INTS10: variants seen among roughly 807,000 people sequenced by gnomAD.
INTS10 encodes the protein chromosome 8 open reading frame 35.
Under a neutral mutation model 94.4 loss-of-function variants are expected in INTS10, and 44 were observed. The ratio of observed to expected loss-of-function variants is 0.47; its 90% CI spans 0.37 to 0.60. INTS10 has a LOEUF of 0.60. Among genes scored for constraint, INTS10 ranks in the 20% least tolerant of loss-of-function variants. INTS10 has a pLI of 0.00. For missense variants in INTS10, 797 were observed against 868.7 expected (o/e 0.92, Z 1.04); for synonymous variants, 341 against 320.7 (o/e 1.06, Z -0.68).
chr8:19,832,656 G>GT (rs1187192981), intron 11 of INTS10, among the ~76,000 whole-genome samples: 1 of 152,178 alleles, frequency 6.6e-6, no homozygotes, highest in East Asian at 1.9e-4. Flanking sequence ...CTCTGTAAAA[G>GT]TAAGATTTTT....
At chr8:19,844,010 T>G (rs2068356932) in intron 14 of INTS10, 66 bp from the exon 15 acceptor site, 2 of 1,301,404 alleles carry the variant, frequency 1.5e-6, no homozygotes, top group Non-Finnish European at 1.1e-6. Flanking sequence ...AAGTGATGTT[T>G]GCTGTATTTC....
At chr8:19,821,799 ACT>A (rs2066399004) in intron 4 of INTS10, 1 of 152,160 alleles carries the variant, frequency 6.6e-6, no homozygotes, top group African/African-American at 2.4e-5. Context: ...TCTGGTCATA[ACT>A]CTGACCTTTC....
intron 9 of INTS10, among the ~76,000 whole-genome samples, chr8:19,830,109 T>A (rs76822397): frequency 0.1 from 15,648 of 152,222 alleles, 982 homozygotes; most frequent in Middle Eastern, 0.24. Flanking sequence ...AAATTTTGAC[T>A]TTCATAAAAT....
Position 19,843,386 on chromosome 8 carries a change from C to G in INTS10, c.1719+459C>G, listed in dbSNP as rs1326648332. ...CGGGACTTGAAAGAACGCCAAGGCCCTTGGCTACAGGTAGAGCAGAGCCTT... is the reference window on the plus strand; with the variant it reads ...CGGGACTTGAAAGAACGCCAAGGCCGTTGGCTACAGGTAGAGCAGAGCCTT... On this transcript the variant is annotated intron_variant, in intron 14 of 16. Transcript: ENST00000397977. The surrounding 1 kb of genome is among the most constrained non-coding windows in gnomAD (Gnocchi z 4.7). 6.6e-6 allele frequency among the ~76,000 whole-genome samples: 1 copy of G among 152,124 alleles called. No homozygotes were observed. The highest frequency in any genetic ancestry group is 1.5e-5 in the Non-Finnish European group (1 of 68,022).
intron 10 of INTS10, 103 bp from the exon 11 acceptor site, chr8:19,831,925 T>G: frequency 1.4e-6 from 1 of 725,664 alleles, no homozygotes; most frequent in Non-Finnish European, 2.5e-6. Flanking sequence ...TTACTATACA[T>G]TTTTGGTAGG....
At chr8:19,822,147 C>T in intron 4 of INTS10, 1 of 216,670 alleles carries the variant, frequency 4.6e-6, no homozygotes, top group Non-Finnish European at 9.2e-6. Context: ...CCATTGCTTC[C>T]TTTACATTTC....
intron 13 of INTS10, among the ~76,000 whole-genome samples, chr8:19,838,887 T>C (rs1173512330): frequency 6.6e-6 from 1 of 151,820 alleles, no homozygotes; most frequent in Non-Finnish European, 1.5e-5. Context: ...CTTGCTAATA[T>C]GGTGAAACTC....
At position 19,818,191 on chromosome 8, in the gene INTS10, C is replaced by G. The variant is rs771317288; in HGVS notation, c.130-84C>G. 15 of 1,315,258 alleles carry G rather than the reference C, an allele frequency of 1.1e-5. 1 individual carries two copies. In the South Asian group the frequency reaches 1.8e-4, roughly 15 times the overall value. 81.5% of individuals were successfully genotyped at this position (1,315,258 alleles called of 1,614,324 possible). A position where few individuals can be genotyped will look rare whatever the true frequency, so the allele number is the denominator to read the frequency against. On this transcript the variant is annotated intron_variant, in intron 1 of 16. Coordinates refer to ENST00000397977, the MANE Select transcript of INTS10 (RefSeq NM_018142.4). ...TTCACTCTCAGGCCCTCCCTTCCTG[C>G]AGGAGGGCCAACGAGCGATGCTGGA... is the stretch of plus-strand genomic sequence containing the variant.
intron 4 of INTS10, 105 bp from the exon 5 acceptor site, chr8:19,822,334 T>G (rs2066442221): frequency 4.9e-6 from 3 of 614,714 alleles, no homozygotes; most frequent in South Asian, 2.2e-5. Context: ...CAGATAAGTT[T>G]GATTATGCAA....
chr8:19,845,696 G>T lies in INTS10; in HGVS notation c.1883-8G>T. On this transcript the variant is annotated splice_region_variant and splice_polypyrimidine_tract_variant and intron_variant, in intron 15 of 16. Coordinates refer to ENST00000397977, the MANE Select transcript of INTS10 (RefSeq NM_018142.4). ...TTTACATGTGGTTAACCTGAATCTG[G>T]CCTGCAGATATTGATATGCTGGAGG... 1.9e-6 allele frequency: 3 copies of T among 1,604,946 alleles called. No individual in the cohort carries two copies. Among genetic ancestry groups the T allele is most frequent in the Non-Finnish European group, 2.6e-6 (3 of 1,171,672 alleles).
At chr8:19,832,906 A>G (rs1405514292) in intron 11 of INTS10, among the ~76,000 whole-genome samples, 1 of 152,062 alleles carries the variant, frequency 6.6e-6, no homozygotes, top group African/African-American at 2.4e-5. Flanking sequence ...GGGCCTGGTT[A>G]TTTTCTTTAG....
At chr8:19,847,560 T>C (rs2068678116) in intron 16 of INTS10, among the ~76,000 whole-genome samples, 1 of 152,336 alleles carries the variant, frequency 6.6e-6, no homozygotes, top group African/African-American at 2.4e-5. Context: ...GAGACAGCCA[T>C]AGTGGAACCG....
In INTS10 at chr8:19,846,696, G is replaced by A. The variant is rs1401766379; in HGVS notation, c.1976+899G>A. Among the ~76,000 whole-genome samples, 2 of 152,216 alleles carry A rather than the reference G, an allele frequency of 1.3e-5. No individual in the cohort carries two copies. The highest frequency in any genetic ancestry group is 6.5e-5 in the Admixed American group (1 of 15,290). On this transcript the variant is annotated intron_variant, in intron 16 of 16. Transcript: ENST00000397977. This position sits in a 1 kb window ranked among gnomAD's most constrained non-coding sequence, Gnocchi z 4.2. ...ACTCACAAGATGTTACTAAAATTCC[G>A]GGTTGGCCCAGATGAAAATGCCAAA...
chr8:19,823,436 A>G lies in INTS10; in HGVS notation c.659A>G (p.His220Arg), dbSNP rs757050949. The G allele has an allele frequency of 1.1e-5, 18 of 1,601,602 alleles. No individual in the cohort carries two copies. The Admixed American group carries it at 1.3e-4, about 12-fold the overall frequency. The change falls in exon 6 of 17, where the codon CAT becomes CGT. Residue 220 changes from histidine to arginine, a missense_variant. His to Arg is a conservative substitution (Grantham distance 29). This residue lies in a region of INTS10 where 734 missense variants were observed against 787.8 expected (regional missense o/e 0.93). Transcript: ENST00000397977. Reference sequence around the variant, plus strand: ...AGGTCTACTCAAATAGAAAATCAGCATCAAGGTAAGTAGGAATACCCTGTA... The same window carrying G: ...AGGTCTACTCAAATAGAAAATCAGCGTCAAGGTAAGTAGGAATACCCTGTA... ...VTRSTQIENQHQGAQDTSDLM... is the reference protein window; with the variant it reads ...VTRSTQIENQRQGAQDTSDLM...
chr8:19,830,700 T>TCAAAA, intron 10 of INTS10, 141 bp downstream of exon 10: 1 of 753,514 alleles, frequency 1.3e-6, no homozygotes, highest in Non-Finnish European at 2.1e-6. Flanking sequence ...AGACGGAGTC[T>TCAAAA]CACTCTTTTT....
intron 16 of INTS10, among the ~76,000 whole-genome samples, chr8:19,848,301 G>C (rs1314569606): frequency 1.3e-5 from 2 of 152,178 alleles, no homozygotes; most frequent in Admixed American, 1.3e-4. Flanking sequence ...TGCCCTAGCT[G>C]TGGCATCTGG....
chr8:19,823,225 T>C (rs12547934), intron 5 of INTS10, 76 bp from the exon 6 acceptor site: 730,807 of 1,152,736 alleles, frequency 0.63, 233,453 homozygotes, highest in African/African-American at 0.71. Flanking sequence ...AAATGAACTC[T>C]GAAAGCTTTT....
intron 2 of INTS10, 85 bp from the exon 3 acceptor site, chr8:19,819,488 C>G (rs972413766): frequency 1.9e-5 from 20 of 1,042,060 alleles, no homozygotes; most frequent in Non-Finnish European, 2.6e-5. Context: ...ATAAAGGAAA[C>G]TTTTTCACCA....
Position 19,849,784 on chromosome 8 carries a change from T to C in INTS10, c.1977-1865T>C, listed in dbSNP as rs1417065946. 6.6e-6 allele frequency among the ~76,000 whole-genome samples: 1 copy of C among 152,226 alleles called. No individual in the cohort carries two copies. The highest frequency in any genetic ancestry group is 1.5e-5 in the Non-Finnish European group (1 of 68,028). ...AAAATGCCACATTTATTAGCTGGTT[T>C]ATCCTGTTCTTAAACCACAAAAGCT... On this transcript the variant is annotated intron_variant, in intron 16 of 16. Transcript: ENST00000397977. This position sits in a 1 kb window ranked among gnomAD's most constrained non-coding sequence, Gnocchi z 4.6.
Sources: allele counts gnomAD v4.1 joint callset (sites outside exome capture counted in the v4.1 genomes callset), GRCh38; gene constraint gnomAD v4.1.1; regional missense constraint gnomAD v4.1.1; non-coding constraint Gnocchi (gnomAD v3.1); transcripts MANE v1.5; gene names NCBI Gene and HGNC (gene_info 2026-07-23, HGNC 2026-07-21).